Variants in CAMSAP1 observed in about 807,000 individuals in gnomAD.
CAMSAP1 encodes calmodulin regulated spectrin associated protein 1, also known as calmodulin-regulated spectrin-associated protein 1.
In CAMSAP1, 58 loss-of-function variants were observed where a neutral mutation model predicts 143.5. That is an observed-to-expected ratio of 0.40 (90% CI 0.33 to 0.50). The LOEUF (loss-of-function observed/expected upper bound fraction) is 0.50. Ranked by LOEUF, CAMSAP1 falls within the 20% of genes least tolerant of loss-of-function variation. The pLI, the probability that CAMSAP1 is intolerant of heterozygous loss-of-function variation, is 0.45. For missense variants in CAMSAP1, 1,969 were observed against 2,115.7 expected (o/e 0.93, Z 1.36); for synonymous variants, 945 against 859.3 (o/e 1.10, Z -1.74).
chr9:135,876,143 G>A lies in CAMSAP1; in HGVS notation c.585+5490C>T, dbSNP rs556912899. Among the ~76,000 whole-genome samples the A allele has an allele frequency of 9.9e-5, 15 of 152,226 alleles. No individual in the cohort carries two copies. In the East Asian group the frequency reaches 2.1e-3, roughly 22 times the overall value. ...ATTTTTGTATTTTCAGTAGAGACACGGTTTCACCACTTTTGGCCAAGCTGG... is the reference window on the plus strand; with the variant it reads ...ATTTTTGTATTTTCAGTAGAGACACAGTTTCACCACTTTTGGCCAAGCTGG... On this transcript the variant is annotated intron_variant, in intron 3 of 16. Transcript: ENST00000389532.
chr9:135,890,103 C>T (rs897555515), intron 1 of CAMSAP1, among the ~76,000 whole-genome samples: 2 of 152,122 alleles, frequency 1.3e-5, no homozygotes, highest in African/African-American at 4.8e-5. Context: ...CCAGTAAGCC[C>T]CCGTGGCAGA....
chr9:135,818,210 G>C lies in CAMSAP1; in HGVS notation c.4169-131C>G. The C allele has an allele frequency of 8.5e-7, 1 of 1,173,774 alleles. No individual in the cohort carries two copies. The allele number at this position is 1,173,774 out of a possible 1,614,324, so 72.7% of individuals were successfully genotyped here. A position where few individuals can be genotyped will look rare whatever the true frequency, so the allele number is the denominator to read the frequency against. The stretch of plus-strand genomic sequence containing the variant: ...CAGGCCGCGTCCCCACCCCATCCCG[G>C]GGAGCCGGGCTGCGCCTGGATGTGC... On this transcript the variant is annotated intron_variant, in intron 13 of 16. Transcript: ENST00000389532. This position sits in a 1 kb window ranked among gnomAD's most constrained non-coding sequence, Gnocchi z 7.7.
In CAMSAP1 at chr9:135,821,336, C is replaced by A. The variant is rs769170357; in HGVS notation, c.3325G>T (p.Val1109Phe). 8.1e-6 allele frequency: 13 copies of A among 1,613,438 alleles called. No homozygotes were observed. The highest frequency in any genetic ancestry group is 1.0e-5 in the Non-Finnish European group (12 of 1,179,840). ...GAGCCCTGTGGCCTGTCTTTTGGGA[C>A]CTTCAGCTCCGCCGGCCTTCCGGAA... ...SRSGRPAELK[V>F]PKDRPQGSSR... The change falls in exon 11 of 17, where the codon GTC becomes TTC. Residue 1109 changes from valine (V) to phenylalanine (F), a missense_variant. This residue lies in a region of CAMSAP1 where 1,390 missense variants were observed against 1,420.8 expected (regional missense o/e 0.98). Transcript: ENST00000389532. The surrounding 1 kb of genome is among the most constrained non-coding windows in gnomAD (Gnocchi z 4.6).
At chr9:135,901,497 C>T (rs759350404) in intron 1 of CAMSAP1, among the ~76,000 whole-genome samples, 6 of 152,060 alleles carry the variant, frequency 3.9e-5, no homozygotes, top group Non-Finnish European at 5.9e-5. Context: ...AGCTGTGATC[C>T]TAGCAACTCG....
chr9:135,809,152 C>G lies in CAMSAP1; in HGVS notation c.*2157G>C, dbSNP rs1834950855. The G allele has an allele frequency of 6.6e-6, 1 of 152,168 alleles. No individual in the cohort carries two copies. The highest frequency in any genetic ancestry group is 6.5e-5 in the Admixed American group (1 of 15,276). 9.4% of individuals were successfully genotyped at this position (152,168 alleles called of 1,614,324 possible). ...CAAAAGCACCACCACGAAAATTAAT[C>G]CTGTGTCTGAAACTTTTCAAGACTA... On this transcript the variant is annotated 3_prime_UTR_variant, in exon 17 of 17. Coordinates refer to ENST00000389532, the MANE Select transcript of CAMSAP1 (RefSeq NM_015447.4).
At chr9:135,875,764 A>AT (rs1372223264) in intron 3 of CAMSAP1, among the ~76,000 whole-genome samples, 1 of 152,172 alleles carries the variant, frequency 6.6e-6, no homozygotes, top group East Asian at 1.9e-4. Context: ...CCCTTCCCTC[A>AT]TATCATTCAT....
intron 3 of CAMSAP1, among the ~76,000 whole-genome samples, chr9:135,881,017 T>G (rs114072477): frequency 2.8e-4 from 43 of 152,170 alleles, no homozygotes; most frequent in African/African-American, 1.0e-3. Flanking sequence ...ACTCCTTTAT[T>G]GCATATAGGT....
intron 1 of CAMSAP1, among the ~76,000 whole-genome samples, chr9:135,888,542 T>G (rs1370365451): frequency 6.6e-6 from 1 of 152,084 alleles, no homozygotes; most frequent in Non-Finnish European, 1.5e-5. Context: ...TGCAGGACAG[T>G]GAGTCTCTGC....
chr9:135,843,864 A>G (rs1360457168), intron 7 of CAMSAP1, among the ~76,000 whole-genome samples: 3 of 129,320 alleles, frequency 2.3e-5, no homozygotes, highest in Non-Finnish European at 4.7e-5. Flanking sequence ...ACAGAGCAAG[A>G]CTCCGTCTCA....
At chr9:135,850,617 C>T (rs1836742073) in intron 5 of CAMSAP1, among the ~76,000 whole-genome samples, 156 bp from the exon 6 acceptor site, 1 of 152,124 alleles carries the variant, frequency 6.6e-6, no homozygotes, top group Non-Finnish European at 1.5e-5. Context: ...ACAAGTAACA[C>T]TAAGTATAAA....
chr9:135,809,426 C>T lies in CAMSAP1; in HGVS notation c.*1883G>A, dbSNP rs972538035. The T allele has an allele frequency of 2.6e-5, 4 of 152,178 alleles. No individual in the cohort carries two copies. Among genetic ancestry groups the T allele is most frequent in the African/African-American group, 9.7e-5 (4 of 41,440 alleles). 9.4% of individuals were successfully genotyped at this position (152,178 alleles called of 1,614,324 possible). Reference sequence around the variant, plus strand: ...GGGAATGCAATTTTCCAGCTCTATGCCAGATATTTTCTAGCTCTTCATTAA... The same window carrying T: ...GGGAATGCAATTTTCCAGCTCTATGTCAGATATTTTCTAGCTCTTCATTAA... On this transcript the variant is annotated 3_prime_UTR_variant, in exon 17 of 17. Transcript: ENST00000389532.
At position 135,855,791 on chromosome 9, in the gene CAMSAP1, G is replaced by A. The variant is rs919469867; in HGVS notation, c.809-5330C>T. 7.4e-5 allele frequency among the ~76,000 whole-genome samples: 11 copies of A among 148,340 alleles called. No individual in the cohort carries two copies. The East Asian group carries it at 1.2e-3, about 16-fold the overall frequency. ...AAAAAGGCCGGGTGCGGTGGCTCAC[G>A]CCTGTAATCCCAGCACTTTGGGAGG... On this transcript the variant is annotated intron_variant, in intron 5 of 16. Transcript: ENST00000389532.
At chr9:135,819,241 T>C in intron 11 of CAMSAP1, 95 bp from the exon 12 acceptor site, 8 of 1,434,602 alleles carry the variant, frequency 5.6e-6, no homozygotes, top group Non-Finnish European at 7.4e-6. Flanking sequence ...ACTACGCTTT[T>C]AAAAGTTTAA....
At chr9:135,830,537 A>G (rs1229234603) in intron 7 of CAMSAP1, among the ~76,000 whole-genome samples, 1 of 152,256 alleles carries the variant, frequency 6.6e-6, no homozygotes, top group Non-Finnish European at 1.5e-5. Context: ...AAATATATAA[A>G]GCAATATTGA....
chr9:135,881,835 C>G (rs1257327592), intron 2 of CAMSAP1, 41 bp from the exon 3 acceptor site: 1 of 1,545,404 alleles, frequency 6.5e-7, no homozygotes, highest in South Asian at 1.2e-5. Context: ...CAAACCCACC[C>G]CTCTTACCAG....
intron 5 of CAMSAP1, among the ~76,000 whole-genome samples, chr9:135,856,333 C>A (rs374655061): frequency 5.9e-5 from 9 of 152,146 alleles, no homozygotes; most frequent in African/African-American, 2.2e-4. Context: ...CTTATTAAAC[C>A]ATCAGATCTC....
At chr9:135,842,213 C>T (rs1452153035) in intron 7 of CAMSAP1, among the ~76,000 whole-genome samples, 1 of 152,114 alleles carries the variant, frequency 6.6e-6, no homozygotes, top group Non-Finnish European at 1.5e-5. Flanking sequence ...ACACAAGTAT[C>T]AGTAGCTGAA....
intron 3 of CAMSAP1, among the ~76,000 whole-genome samples, chr9:135,869,474 G>A (rs896807781): frequency 5.3e-5 from 8 of 151,100 alleles, no homozygotes; most frequent in Non-Finnish European, 7.4e-5. Flanking sequence ...CTGCACTCCC[G>A]CTTGGGCAAA....
chr9:135,902,409 G>A (rs1838643899), intron 1 of CAMSAP1, among the ~76,000 whole-genome samples: 1 of 152,218 alleles, frequency 6.6e-6, no homozygotes, highest in Non-Finnish European at 1.5e-5. Context: ...CAGGGAGGAA[G>A]ACACGCAGTG....
Sources: gnomAD v4.1 joint callset for allele counts (sites outside exome capture counted in the v4.1 genomes callset) on GRCh38, gnomAD v4.1.1 for gene constraint, gnomAD v4.1.1 regional missense constraint, Gnocchi (gnomAD v3.1) non-coding constraint, MANE v1.5 for transcripts, NCBI Gene and HGNC (gene_info 2026-07-23, HGNC 2026-07-21) for gene names.